The following NAALADL2 variants were observed in gnomAD, a reference collection of about 807,000 sequenced individuals.
NAALADL2 encodes the protein N-acetylated alpha-linked acidic dipeptidase like 2.
Under a neutral mutation model 87.2 loss-of-function variants are expected in NAALADL2, and 76 were observed. The ratio of observed to expected loss-of-function variants is 0.87; its 90% CI spans 0.72 to 1.05. The LOEUF (loss-of-function observed/expected upper bound fraction) is 1.05. NAALADL2 is among the 50% of genes least tolerant of loss of function. The pLI is 0.00. For synonymous variants in NAALADL2, 354 were observed against 331.0 expected, an observed-to-expected ratio of 1.07 and a Z score of -0.75; for missense variants, 1,089 against 945.8, an observed-to-expected ratio of 1.15 and a Z score of -1.99.
intron 2 of NAALADL2, among the ~76,000 whole-genome samples, chr3:174,568,347 C>G (rs1714533671): frequency 6.6e-6 from 1 of 151,726 alleles, no homozygotes. Flanking sequence ...AATAGCAACT[C>G]AGTTTAGAAT....
chr3:174,607,502 GC>G (rs1323196002), intron 2 of NAALADL2, among the ~76,000 whole-genome samples: 1 of 149,376 alleles, frequency 6.7e-6, no homozygotes, highest in Non-Finnish European at 1.5e-5. Flanking sequence ...ACAAAAAAAG[GC>G]AGGGGTTGCA....
chr3:175,352,140 G>A (rs769809301), intron 5 of NAALADL2, among the ~76,000 whole-genome samples: 1 of 150,978 alleles, frequency 6.6e-6, no homozygotes, highest in African/African-American at 2.4e-5. Context: ...ATATTGGTGA[G>A]AGACAGAAGG....
At chr3:175,495,470 C>T (rs77534145) in intron 9 of NAALADL2, among the ~76,000 whole-genome samples, 6 of 152,078 alleles carry the variant, frequency 3.9e-5, no homozygotes, top group Non-Finnish European at 8.8e-5. Flanking sequence ...AGACTTTCAA[C>T]TTACTTCTAG....
At chr3:175,759,477 C>A (rs552169699) in intron 13 of NAALADL2, among the ~76,000 whole-genome samples, 2 of 152,072 alleles carry the variant, frequency 1.3e-5, no homozygotes, top group South Asian at 4.2e-4. Flanking sequence ...CCTGCCTCTG[C>A]CTCCTGAGTA....
intron 10 of NAALADL2, among the ~76,000 whole-genome samples, chr3:175,617,289 C>A (rs968917096): frequency 5.3e-5 from 8 of 152,146 alleles, no homozygotes; most frequent in African/African-American, 1.9e-4. Flanking sequence ...ACCTGGGACT[C>A]CTGGATGGTA....
chr3:175,366,390 G>T (rs1416709899), intron 5 of NAALADL2, among the ~76,000 whole-genome samples: 1 of 151,770 alleles, frequency 6.6e-6, no homozygotes, highest in Non-Finnish European at 1.5e-5. Context: ...GGGATTGGTG[G>T]GTCAAATGGT....
intron 5 of NAALADL2, among the ~76,000 whole-genome samples, chr3:175,419,176 AT>A (rs1715215560): frequency 2.0e-5 from 3 of 151,666 alleles, no homozygotes; most frequent in African/African-American, 7.3e-5. Flanking sequence ...GGAAAAATGT[AT>A]TGGGGGAGGG....
intron 1 of NAALADL2, among the ~76,000 whole-genome samples, chr3:174,948,558 C>A (rs899841144): frequency 1.3e-5 from 2 of 152,184 alleles, no homozygotes; most frequent in Admixed American, 1.3e-4. Context: ...GTGACTATTA[C>A]TACTTAACCA....
intron 3 of NAALADL2, among the ~76,000 whole-genome samples, chr3:174,806,775 C>G (rs902139161): frequency 6.6e-6 from 1 of 152,140 alleles, no homozygotes; most frequent in African/African-American, 2.4e-5. Context: ...GTTTTTCAAG[C>G]TATGTATATC....
At chr3:175,258,329 A>G (rs1379886612) in intron 4 of NAALADL2, among the ~76,000 whole-genome samples, 1 of 150,168 alleles carries the variant, frequency 6.7e-6, no homozygotes, top group Non-Finnish European at 1.5e-5. Flanking sequence ...ACCACCAAAA[A>G]AAAAAAAAAA....
At chr3:175,168,834 T>C (rs1476285833) in intron 2 of NAALADL2, among the ~76,000 whole-genome samples, 3 of 151,880 alleles carry the variant, frequency 2.0e-5, no homozygotes, top group Non-Finnish European at 2.9e-5. Flanking sequence ...AAATATGCGG[T>C]AGGATATCAG....
upstream of NAALADL2, among the ~76,000 whole-genome samples, chr3:174,858,160 T>G (rs189007052): frequency 1.4e-5 from 2 of 148,076 alleles, no homozygotes; most frequent in African/African-American, 4.9e-5. Context: ...ATGTAATTAT[T>G]ACAATATTAA....
At chr3:174,869,346 G>C (rs899056923) in intron 1 of NAALADL2, among the ~76,000 whole-genome samples, 4 of 152,156 alleles carry the variant, frequency 2.6e-5, no homozygotes, top group African/African-American at 9.7e-5. Context: ...AGTTCTAGGA[G>C]ATAAATATAA....
At chr3:175,443,505 T>A (rs1449011636) in intron 5 of NAALADL2, among the ~76,000 whole-genome samples, 1 of 152,180 alleles carries the variant, frequency 6.6e-6, no homozygotes, top group Non-Finnish European at 1.5e-5. Context: ...GTTTTGAAAG[T>A]TTATTTAATA....
chr3:175,012,130 T>G (rs930004815), intron 1 of NAALADL2, among the ~76,000 whole-genome samples: 7 of 152,150 alleles, frequency 4.6e-5, no homozygotes, highest in African/African-American at 1.7e-4. Flanking sequence ...GACAGTATTG[T>G]AAGCTAAGAT....
chr3:175,682,537 C>A (rs1735729842), intron 11 of NAALADL2, among the ~76,000 whole-genome samples: 1 of 151,854 alleles, frequency 6.6e-6, no homozygotes, highest in Non-Finnish European at 1.5e-5. Context: ...GATTGAGGAA[C>A]TCTAATATTT....
intron 2 of NAALADL2, among the ~76,000 whole-genome samples, chr3:175,126,015 G>C (rs1231629141): frequency 6.6e-6 from 1 of 152,066 alleles, no homozygotes; most frequent in Non-Finnish European, 1.5e-5. Context: ...GGAATTCTAA[G>C]AGTATGTAGT....
At chr3:175,656,541 A>C (rs1478596219) in intron 11 of NAALADL2, among the ~76,000 whole-genome samples, 1 of 152,180 alleles carries the variant, frequency 6.6e-6, no homozygotes, top group Non-Finnish European at 1.5e-5. Context: ...CCCAAAATAC[A>C]TAGTCTGATA....
intron 1 of NAALADL2, among the ~76,000 whole-genome samples, chr3:175,016,244 T>C (rs1033788600): frequency 2.8e-5 from 4 of 141,822 alleles, no homozygotes; most frequent in African/African-American, 1.1e-4. Flanking sequence ...TTTAGGCCTA[T>C]CTCAGATAAA....
Sources: gnomAD v4.1 joint callset for allele counts (sites outside exome capture counted in the v4.1 genomes callset) on GRCh38, gnomAD v4.1.1 for gene constraint, MANE v1.5 for transcripts, NCBI Gene and HGNC (gene_info 2026-07-23, HGNC 2026-07-21) for gene names.